The following RNF130 variants were observed in gnomAD, a reference collection of about 807,000 sequenced individuals.
RNF130 encodes ring finger protein 130, also known as E3 ubiquitin-protein ligase RNF130.
RNF130 carries 21 observed loss-of-function variants against 44.6 expected under a neutral mutation model. That is an observed-to-expected ratio of 0.47 (90% CI 0.33 to 0.68). The LOEUF is 0.68. Among genes scored for constraint, RNF130 ranks in the 30% least tolerant of loss-of-function variants. The pLI, the probability that RNF130 is intolerant of heterozygous loss-of-function variation, is 0.02. For synonymous variants in RNF130, 214 were observed against 210.4 expected, an observed-to-expected ratio of 1.02 and a Z score of -0.15; for missense variants, 479 against 560.6, an observed-to-expected ratio of 0.85 and a Z score of 1.47.
chr5:179,946,847 C>A (rs115502059), intron 7 of RNF130, among the ~76,000 whole-genome samples: 3 of 152,204 alleles, frequency 2.0e-5, no homozygotes, highest in Non-Finnish European at 4.4e-5. Context: ...AGCCACCGCG[C>A]CCAGCACCAT....
chr5:179,981,262 G>A (rs1762830360), intron 3 of RNF130, among the ~76,000 whole-genome samples: 1 of 152,148 alleles, frequency 6.6e-6, no homozygotes, highest in Non-Finnish European at 1.5e-5. Context: ...CACTCACACT[G>A]GGACAAGGGG....
chr5:179,954,915 C>T (rs1762179430), downstream of RNF130, among the ~76,000 whole-genome samples: 2 of 152,206 alleles, frequency 1.3e-5, no homozygotes, highest in Admixed American at 6.5e-5. Flanking sequence ...TTTTGAAATT[C>T]TCCTCATCAG....
At chr5:180,003,209 T>A (rs1374584657) in intron 3 of RNF130, among the ~76,000 whole-genome samples, 1 of 151,880 alleles carries the variant, frequency 6.6e-6, no homozygotes. Context: ...ATGACTGACA[T>A]GGAGGCACGA....
intron 1 of RNF130, among the ~76,000 whole-genome samples, chr5:180,064,543 A>G (rs1765055163): frequency 6.6e-6 from 1 of 152,176 alleles, no homozygotes; most frequent in Non-Finnish European, 1.5e-5. Flanking sequence ...TTGTGTGCAG[A>G]TATATGATGT....
At chr5:180,071,329 C>T (rs1765256846) in intron 1 of RNF130, 127 bp downstream of exon 1, 1 of 949,022 alleles carries the variant, frequency 1.1e-6, no homozygotes, top group East Asian at 3.4e-5. Context: ...GAAGCCTCGA[C>T]CCTGGCTGGG....
At chr5:179,960,499 G>A (rs957536910) in intron 8 of RNF130, among the ~76,000 whole-genome samples, 7 of 152,212 alleles carry the variant, frequency 4.6e-5, no homozygotes, top group African/African-American at 1.7e-4. Flanking sequence ...AGGAAGGGAT[G>A]GGGGCTTGCA....
chr5:179,987,776 C>T (rs551098340), intron 3 of RNF130, among the ~76,000 whole-genome samples: 18 of 152,342 alleles, frequency 1.2e-4, no homozygotes, highest in African/African-American at 3.8e-4. Context: ...TGACTATTGA[C>T]TTGCAAATGC....
chr5:180,034,037 G>A (rs150628000), intron 2 of RNF130, among the ~76,000 whole-genome samples: 2,558 of 151,700 alleles, frequency 0.017, 78 homozygotes, highest in African/African-American at 0.059. Flanking sequence ...TGCTAACTGT[G>A]GCTTTTCCAC....
chr5:179,947,454 C>T (rs542998225), intron 7 of RNF130, among the ~76,000 whole-genome samples: 1 of 152,216 alleles, frequency 6.6e-6, no homozygotes, highest in Non-Finnish European at 1.5e-5. Context: ...CACCCCACAG[C>T]CTGCCCCTGA....
intron 7 of RNF130, among the ~76,000 whole-genome samples, chr5:179,927,837 G>C (rs1205015139): frequency 6.6e-6 from 1 of 151,950 alleles, no homozygotes; most frequent in African/African-American, 2.4e-5. Context: ...TGATCCACCC[G>C]CCTTGGCTTC....
chr5:179,958,425 C>A (rs1318054699), intron 8 of RNF130, among the ~76,000 whole-genome samples: 1 of 152,156 alleles, frequency 6.6e-6, no homozygotes, highest in Non-Finnish European at 1.5e-5. Context: ...CTGAAAAACA[C>A]TGCTTTTGAT....
At chr5:180,046,041 GA>G (rs1312291023) in intron 1 of RNF130, among the ~76,000 whole-genome samples, 1 of 152,172 alleles carries the variant, frequency 6.6e-6, no homozygotes, top group African/African-American at 2.4e-5. Flanking sequence ...GGCGTGGACG[GA>G]GGGGGGTGGG....
At chr5:180,016,087 G>A (rs1322260709) in intron 2 of RNF130, among the ~76,000 whole-genome samples, 3 of 152,152 alleles carry the variant, frequency 2.0e-5, no homozygotes, top group African/African-American at 4.8e-5. Flanking sequence ...GAGAAGAGCC[G>A]GGCAGAGGAG....
Position 179,946,605 on chromosome 5 carries a change from G to A in RNF130, c.1150+20201C>T, listed in dbSNP as rs532109140. Among the ~76,000 whole-genome samples the A allele has an allele frequency of 3.3e-5, 5 of 150,698 alleles. No individual in the cohort carries two copies. In the South Asian group the frequency reaches 8.3e-4, roughly 25 times the overall value. ...GTCTCGCTCTGTCGCCCAGGCTGGA[G>A]TGCAGTGGTGTGATCTTGGCTCACT... On this transcript the variant is annotated intron_variant, in intron 7 of 7. Coordinates refer to the RNF130 transcript ENST00000522208.
chr5:180,027,069 T>C (rs1198103366), intron 2 of RNF130, among the ~76,000 whole-genome samples: 6 of 152,128 alleles, frequency 3.9e-5, no homozygotes, highest in African/African-American at 1.4e-4. Context: ...CACATCAAAA[T>C]GCACAGCACA....
chr5:179,957,474 T>A (rs1025440585), intron 8 of RNF130, among the ~76,000 whole-genome samples: 1 of 152,170 alleles, frequency 6.6e-6, no homozygotes, highest in Non-Finnish European at 1.5e-5. Flanking sequence ...GAAGTGCAAG[T>A]TCCCACTGCC....
intron 3 of RNF130, among the ~76,000 whole-genome samples, chr5:180,005,707 C>T (rs748382455): frequency 6.6e-6 from 1 of 152,274 alleles, no homozygotes; most frequent in East Asian, 1.9e-4. Flanking sequence ...CACAACCTAC[C>T]TTCTCTGTGA....
At chr5:179,925,439 C>G (rs1761694519) in intron 7 of RNF130, among the ~76,000 whole-genome samples, 1 of 152,228 alleles carries the variant, frequency 6.6e-6, no homozygotes, top group South Asian at 2.1e-4. Flanking sequence ...CCCTACGCAT[C>G]TGTCAACCAA....
exon 8 of RNF130, chr5:179,920,401 G>A (rs1761611641): frequency 1.4e-6 from 1 of 702,356 alleles, no homozygotes; most frequent in African/African-American, 1.7e-5. Context: ...GAGGGGACAA[G>A]GAGTTTCGAT....
Sources: gnomAD v4.1 joint callset for allele counts (sites outside exome capture counted in the v4.1 genomes callset) on GRCh38, gnomAD v4.1.1 for gene constraint, MANE v1.5 for transcripts, NCBI Gene and HGNC (gene_info 2026-07-23, HGNC 2026-07-21) for gene names.